Variants in UNC5C observed in about 807,000 individuals in gnomAD.
UNC5C encodes the protein netrin receptor UNC5C.
Under a neutral mutation model 99.8 loss-of-function variants are expected in UNC5C, and 47 were observed. That is an observed-to-expected ratio of 0.47 (90% CI 0.37 to 0.60). The LOEUF (loss-of-function observed/expected upper bound fraction) is 0.60, where lower values mean the gene tolerates loss of function less well. Among genes scored for constraint, UNC5C ranks in the 20% least tolerant of loss-of-function variants. The probability of loss-of-function intolerance (pLI) is 0.00; values close to 1 mark genes in which losing one functional copy is unlikely to be tolerated. For synonymous variants in UNC5C, 487 were observed against 452.2 expected (o/e 1.08, Z -0.98); for missense variants, 1,062 against 1,165.9 (o/e 0.91, Z 1.30).
intron 1 of UNC5C, among the ~76,000 whole-genome samples, chr4:95,450,364 T>C (rs563995623): frequency 6.6e-6 from 1 of 152,282 alleles, no homozygotes; most frequent in East Asian, 1.9e-4. Context: ...GGACTAAAGG[T>C]GCATGCCAGC....
chr4:95,498,149 A>G (rs960005322), intron 1 of UNC5C, among the ~76,000 whole-genome samples: 1 of 152,052 alleles, frequency 6.6e-6, no homozygotes, highest in African/African-American at 2.4e-5. Flanking sequence ...GGACCCCGAA[A>G]GTCAGTAGAG....
chr4:95,170,105 G>A (rs553790775), intron 15 of UNC5C, 49 bp downstream of exon 15: 4 of 1,594,488 alleles, frequency 2.5e-6, no homozygotes, highest in Non-Finnish European at 3.4e-6. Flanking sequence ...TATCGGTCCT[G>A]GAGGGCACTA....
intron 6 of UNC5C, among the ~76,000 whole-genome samples, chr4:95,243,893 G>A (rs1739410806): frequency 6.6e-6 from 1 of 152,060 alleles, no homozygotes; most frequent in South Asian, 2.1e-4. Context: ...TTTTAATTGT[G>A]GGAGTCAGCT....
At chr4:95,290,813 C>T (rs1367154061) in intron 3 of UNC5C, among the ~76,000 whole-genome samples, 1 of 152,162 alleles carries the variant, frequency 6.6e-6, no homozygotes, top group Non-Finnish European at 1.5e-5. Context: ...TTTTCGTTCT[C>T]TCTTAGGAAT....
intron 1 of UNC5C, among the ~76,000 whole-genome samples, chr4:95,392,124 A>C (rs1373905155): frequency 2.0e-5 from 3 of 152,206 alleles, no homozygotes; most frequent in Non-Finnish European, 4.4e-5. Flanking sequence ...TATTTTTTAC[A>C]GAAATGTATC....
At chr4:95,380,694 T>C (rs1745044606) in intron 1 of UNC5C, among the ~76,000 whole-genome samples, 1 of 152,222 alleles carries the variant, frequency 6.6e-6, no homozygotes, top group Admixed American at 6.5e-5. Context: ...ACATTTTTCT[T>C]ACCTTTCTGT....
chr4:95,235,628 C>A (rs7441157), intron 7 of UNC5C, among the ~76,000 whole-genome samples: 13,117 of 152,072 alleles, frequency 0.086, 1,074 homozygotes, highest in African/African-American at 0.21. Context: ...TCTAACATTG[C>A]AGTCTTTAAT....
At chr4:95,175,299 G>C (rs1440015748) in intron 14 of UNC5C, among the ~76,000 whole-genome samples, 1 of 151,906 alleles carries the variant, frequency 6.6e-6, no homozygotes, top group Non-Finnish European at 1.5e-5. Flanking sequence ...ATGTTAGCTG[G>C]TTATTTTGCT....
chr4:95,222,200 T>G, intron 7 of UNC5C: 1 of 1,494,128 alleles, frequency 6.7e-7, no homozygotes. Flanking sequence ...AATCCAAACA[T>G]CAAACTTACA....
At chr4:95,458,973 G>T (rs1747520245) in intron 1 of UNC5C, among the ~76,000 whole-genome samples, 1 of 151,986 alleles carries the variant, frequency 6.6e-6, no homozygotes, top group Admixed American at 6.6e-5. Flanking sequence ...GCTCTAAAAA[G>T]ATTTCTAGTT....
At chr4:95,395,312 G>A (rs985789949) in intron 1 of UNC5C, among the ~76,000 whole-genome samples, 6 of 151,906 alleles carry the variant, frequency 3.9e-5, no homozygotes, top group Non-Finnish European at 7.4e-5. Context: ...TGGTCAAAAT[G>A]CTGGTGAATG....
chr4:95,180,429 C>CAACA (rs1208742738), intron 14 of UNC5C, among the ~76,000 whole-genome samples: 7 of 152,168 alleles, frequency 4.6e-5, no homozygotes, highest in African/African-American at 1.7e-4. Flanking sequence ...TCTATGAAAC[C>CAACA]AACAAACAAA....
At chr4:95,246,638 A>G (rs1019385943) in intron 5 of UNC5C, among the ~76,000 whole-genome samples, 1 of 151,876 alleles carries the variant, frequency 6.6e-6, no homozygotes, top group African/African-American at 2.4e-5. Context: ...TGCATAATGT[A>G]TATGTATATA....
At chr4:95,302,954 G>C (rs771400851) in intron 2 of UNC5C, among the ~76,000 whole-genome samples, 1 of 152,130 alleles carries the variant, frequency 6.6e-6, no homozygotes, top group South Asian at 2.1e-4. Context: ...AGGAATGAGT[G>C]TGAGTAATCA....
At chr4:95,318,436 T>C (rs1373296562) in intron 2 of UNC5C, among the ~76,000 whole-genome samples, 3 of 152,200 alleles carry the variant, frequency 2.0e-5, no homozygotes, top group Non-Finnish European at 4.4e-5. Context: ...TTCTGTTGTT[T>C]TAAGCCTAGG....
intron 1 of UNC5C, among the ~76,000 whole-genome samples, chr4:95,391,619 A>T (rs773922406): frequency 9.9e-5 from 15 of 151,868 alleles, no homozygotes; most frequent in Non-Finnish European, 1.6e-4. Context: ...AACTTCTATA[A>T]CTCTGTATTG....
At chr4:95,256,638 CTG>C (rs1361385651) in intron 4 of UNC5C, among the ~76,000 whole-genome samples, 1 of 148,756 alleles carries the variant, frequency 6.7e-6, no homozygotes, top group East Asian at 2.0e-4. Context: ...GATCCATAAA[CTG>C]TAAGTCAGAG....
chr4:95,420,503 C>G (rs781594768), intron 1 of UNC5C, among the ~76,000 whole-genome samples: 2 of 152,226 alleles, frequency 1.3e-5, no homozygotes, highest in East Asian at 3.9e-4. Context: ...CCTTATGCAA[C>G]TATGTTTTAT....
intron 1 of UNC5C, among the ~76,000 whole-genome samples, chr4:95,444,046 C>G (rs1289284805): frequency 6.6e-6 from 1 of 152,186 alleles, no homozygotes; most frequent in Non-Finnish European, 1.5e-5. Context: ...TATAGCGCAT[C>G]TCCATATATG....
Sources: allele counts gnomAD v4.1 joint callset (sites outside exome capture counted in the v4.1 genomes callset), GRCh38; gene constraint gnomAD v4.1.1; transcripts MANE v1.5; gene names NCBI Gene and HGNC (gene_info 2026-07-23, HGNC 2026-07-21).